Variants in ZNF438 observed in about 807,000 individuals in gnomAD.
ZNF438 encodes zinc finger protein 438.
Under a neutral mutation model 38.0 loss-of-function variants are expected in ZNF438, and 25 were observed. The ratio of observed to expected loss-of-function variants is 0.66; its 90% CI spans 0.48 to 0.92. The LOEUF is 0.92. Ranked by LOEUF, ZNF438 falls within the 40% of genes least tolerant of loss-of-function variation. ZNF438 has a pLI of 0.00. For synonymous variants in ZNF438, 372 were observed against 364.1 expected (o/e 1.02, Z -0.25); for missense variants, 1,007 against 999.6 (o/e 1.01, Z -0.10).
intron 2 of ZNF438, chr10:30,919,949 A>C (rs893688751): frequency 6.6e-6 from 1 of 152,274 alleles, no homozygotes; most frequent in Non-Finnish European, 1.5e-5. Flanking sequence ...ATCTGTGTTC[A>C]TGAACTTTAT....
At chr10:30,949,189 C>A (rs1725919683) in intron 1 of ZNF438, among the ~76,000 whole-genome samples, 1 of 151,512 alleles carries the variant, frequency 6.6e-6, no homozygotes, top group Admixed American at 6.6e-5. Flanking sequence ...CCTTTACAGA[C>A]AAACAAATGC....
At chr10:30,927,025 C>T (rs1442219468) in intron 2 of ZNF438, among the ~76,000 whole-genome samples, 1 of 152,182 alleles carries the variant, frequency 6.6e-6, no homozygotes, top group East Asian at 1.9e-4. Context: ...TTTTGGTGTG[C>T]TTATTGACTA....
At position 30,977,961 on chromosome 10, in the gene ZNF438, G is replaced by A. The variant is rs145565298; in HGVS notation, c.-191-36310C>T. On this transcript the variant is annotated intron_variant, in intron 1 of 5. Transcript: ENST00000413025. ...CGTGCCACTACACTCCAGGCTGGGTGACAGAGCAAGACTCCGTCTCCGAAA... is the reference window on the plus strand; with the variant it reads ...CGTGCCACTACACTCCAGGCTGGGTAACAGAGCAAGACTCCGTCTCCGAAA... 3.8e-3 allele frequency among the ~76,000 whole-genome samples: 580 copies of A among 150,880 alleles called. 6 individuals carry two copies. The highest frequency in any genetic ancestry group is 0.013 in the African/African-American group (543 of 41,102).
chr10:31,011,224 T>C (rs891365762), intron 1 of ZNF438, among the ~76,000 whole-genome samples: 20 of 152,096 alleles, frequency 1.3e-4, no homozygotes, highest in African/African-American at 4.8e-4. Flanking sequence ...CAGTTCAACG[T>C]GGGGCTTTTC....
At chr10:30,907,451 C>G (rs1434600769) in intron 3 of ZNF438, among the ~76,000 whole-genome samples, 4 of 152,066 alleles carry the variant, frequency 2.6e-5, no homozygotes, top group Non-Finnish European at 5.9e-5. Context: ...TAATTCTTTT[C>G]TAAATTTTTG....
rs982728225 is a variant in ZNF438, at chr10:30,922,851, A to T, written c.-114-13836T>A. Reference sequence around the variant, plus strand: ...ACTTTGTCTCAAAAAAAAAAAAAGAAAAAGAAAAACCATTGTCTAAAAATT... The same window carrying T: ...ACTTTGTCTCAAAAAAAAAAAAAGATAAAGAAAAACCATTGTCTAAAAATT... On this transcript the variant is annotated intron_variant, in intron 2 of 5. Transcript: ENST00000413025. Among the ~76,000 whole-genome samples, 6 of 152,256 alleles carry T rather than the reference A, an allele frequency of 3.9e-5. No homozygotes were observed. In the East Asian group the frequency reaches 5.8e-4, roughly 15 times the overall value.
intron 2 of ZNF438, among the ~76,000 whole-genome samples, chr10:30,940,216 G>A (rs1274911904): frequency 2.0e-5 from 3 of 152,218 alleles, no homozygotes; most frequent in African/African-American, 7.2e-5. Flanking sequence ...AGGCTATGGT[G>A]AAAGCTGTAG....
intron 4 of ZNF438, among the ~76,000 whole-genome samples, chr10:30,855,639 G>A (rs1456812202): frequency 6.6e-6 from 1 of 152,164 alleles, no homozygotes; most frequent in Non-Finnish European, 1.5e-5. Context: ...AAAAACCCTC[G>A]TAATTACTTA....
At chr10:30,992,568 AAG>A (rs2053614659) in intron 1 of ZNF438, among the ~76,000 whole-genome samples, 1 of 152,130 alleles carries the variant, frequency 6.6e-6, no homozygotes, top group Non-Finnish European at 1.5e-5. Flanking sequence ...ATGCGCCACC[AAG>A]CCCCACTAAT....
At chr10:30,976,082 T>A (rs4749651) in intron 1 of ZNF438, among the ~76,000 whole-genome samples, 91,138 of 151,818 alleles carry the variant, frequency 0.6, 28,468 homozygotes, top group African/African-American at 0.78. Flanking sequence ...TAATCCTTAG[T>A]TTTCAAAGCC....
intron 1 of ZNF438, among the ~76,000 whole-genome samples, chr10:31,016,816 T>C (rs1401368811): frequency 1.3e-5 from 2 of 152,226 alleles, no homozygotes; most frequent in Non-Finnish European, 2.9e-5. Context: ...ACAATTTCTT[T>C]GTAGGGGTTA....
chr10:30,986,743 G>A (rs540343614), intron 1 of ZNF438, among the ~76,000 whole-genome samples: 35 of 152,256 alleles, frequency 2.3e-4, no homozygotes, highest in South Asian at 1.5e-3. Context: ...ATTTGCGCAT[G>A]ACCCTTGAGG....
At chr10:30,944,642 C>T (rs190768317) in intron 1 of ZNF438, among the ~76,000 whole-genome samples, 3 of 152,138 alleles carry the variant, frequency 2.0e-5, no homozygotes, top group African/African-American at 7.2e-5. Context: ...GAGTTGATAC[C>T]TCTAACAGAT....
chr10:30,872,477 G>A (rs1191498232), intron 4 of ZNF438, among the ~76,000 whole-genome samples: 7 of 123,738 alleles, frequency 5.7e-5, no homozygotes, highest in Admixed American at 3.9e-4. Flanking sequence ...GAGGTCAGGC[G>A]CAGTGGCTGA....
intron 4 of ZNF438, among the ~76,000 whole-genome samples, chr10:30,874,118 A>G (rs1293266146): frequency 0.2 from 687 of 3,404 alleles, 10 homozygotes; most frequent in African/African-American, 0.24. Context: ...GTGTGTGTAT[A>G]TATATATATA....
chr10:30,850,865 T>C (rs2033486823), intron 4 of ZNF438, among the ~76,000 whole-genome samples: 1 of 152,236 alleles, frequency 6.6e-6, no homozygotes, highest in Non-Finnish European at 1.5e-5. Context: ...ACTGTATCCT[T>C]TGTATAAAAC....
At chr10:31,025,486 T>C (rs1285273560) in intron 1 of ZNF438, among the ~76,000 whole-genome samples, 1 of 152,252 alleles carries the variant, frequency 6.6e-6, no homozygotes, top group Admixed American at 6.5e-5. Context: ...CCAGTATTTA[T>C]TTCACACTGC....
chr10:30,845,706 A>C lies in ZNF438; in HGVS notation c.1875-133T>G, dbSNP rs1564463902. On this transcript the variant is annotated intron_variant, in intron 5 of 5. Coordinates refer to ENST00000413025, the Ensembl canonical transcript of ZNF438. ...AAGACAAGGGCTGGGGTAAACAGAG[A>C]GCACCTGGGAAGACCTTCTGCAAGG... The C allele has an allele frequency of 3.7e-6, 4 of 1,082,922 alleles. No individual in the cohort carries two copies. In the Admixed American group the frequency reaches 1.1e-4, roughly 30 times the overall value. The allele number at this position is 1,082,922 out of a possible 1,614,324, so 67.1% of individuals were successfully genotyped here.
At chr10:31,027,719 A>G (rs533379505) in intron 1 of ZNF438, among the ~76,000 whole-genome samples, 2 of 152,336 alleles carry the variant, frequency 1.3e-5, no homozygotes, top group East Asian at 1.9e-4. Context: ...GGGAAGCTAC[A>G]AGAGCAGATT....
Sources: gnomAD v4.1 joint callset for allele counts (sites outside exome capture counted in the v4.1 genomes callset) on GRCh38, gnomAD v4.1.1 for gene constraint, MANE v1.5 for transcripts, NCBI Gene and HGNC (gene_info 2026-07-23, HGNC 2026-07-21) for gene names.